SPATA16: variants seen among roughly 807,000 people sequenced by gnomAD.
SPATA16 encodes the protein spermatogenesis-associated protein 16.
In SPATA16, 36 loss-of-function variants were observed where a neutral mutation model predicts 63.3. The ratio of observed to expected loss-of-function variants is 0.57; its 90% CI spans 0.44 to 0.75. The LOEUF is 0.75. Ranked by LOEUF, SPATA16 falls within the 30% of genes least tolerant of loss-of-function variation. The probability of loss-of-function intolerance (pLI) is 0.00; values close to 1 mark genes in which losing one functional copy is unlikely to be tolerated. For synonymous variants in SPATA16, 203 were observed against 216.7 expected (o/e 0.94, Z 0.56); for missense variants, 646 against 679.3 (o/e 0.95, Z 0.54).
chr3:173,084,287 C>T (rs958580253), intron 2 of SPATA16, among the ~76,000 whole-genome samples: 9 of 152,106 alleles, frequency 5.9e-5, no homozygotes, highest in African/African-American at 4.8e-5. Context: ...AGCTTTTTAT[C>T]GTTTGTTTGT....
intron 2 of SPATA16, among the ~76,000 whole-genome samples, chr3:173,116,625 A>C (rs1394068130): frequency 6.6e-6 from 1 of 152,210 alleles, no homozygotes; most frequent in East Asian, 1.9e-4. Context: ...AAATGGTGTT[A>C]TTTTGTTTGT....
Position 173,035,008 on chromosome 3 carries a change from A to G in SPATA16, c.758+13941T>C, listed in dbSNP as rs78467015. On this transcript the variant is annotated intron_variant, in intron 3 of 10. Transcript: ENST00000351008. ...TCTCAACCTGTTGTGACTTGCACCA[A>G]ATAGAGTGTCACAGCACATTACTTT... Among the ~76,000 whole-genome samples the G allele has an allele frequency of 4.0e-3, 608 of 152,240 alleles. 4 individuals carry two copies. The highest frequency in any genetic ancestry group is 0.014 in the African/African-American group (583 of 41,564).
intron 1 of SPATA16, among the ~76,000 whole-genome samples, chr3:173,119,072 G>A (rs1017375718): frequency 6.6e-6 from 1 of 152,042 alleles, no homozygotes; most frequent in Non-Finnish European, 1.5e-5. Flanking sequence ...ACCAAACACT[G>A]CATATTCTCA....
intron 5 of SPATA16, among the ~76,000 whole-genome samples, chr3:172,957,221 A>G (rs1015051727): frequency 1.3e-5 from 2 of 152,186 alleles, no homozygotes; most frequent in Admixed American, 1.3e-4. Context: ...TAAAAACTAA[A>G]ATATCTAAAG....
In SPATA16 at chr3:172,961,048, CT is replaced by C. The variant is rs796342325; in HGVS notation, c.934-4225del. Among the ~76,000 whole-genome samples the C allele has an allele frequency of 1.1e-4, 7 of 66,022 alleles. 1 individual carries two copies. Among genetic ancestry groups the C allele is most frequent in the Admixed American group, 5.7e-4 (3 of 5,280 alleles). The allele number at this position is 66,022 out of a possible 152,430, so 43.3% of individuals were successfully genotyped here. Reference sequence around the variant, plus strand: ...TCTTTCTCTCTTTCTTTCTTTCTTTCTTCTTTCTTTCTTTCTTCTTTCTTCC... The same window carrying C: ...TCTTTCTCTCTTTCTTTCTTTCTTTCTCTTTCTTTCTTTCTTCTTTCTTCC... On this transcript the variant is annotated intron_variant, in intron 5 of 10. Transcript: ENST00000351008.
chr3:172,955,969 G>A (rs1343744904), intron 6 of SPATA16, among the ~76,000 whole-genome samples: 2 of 152,090 alleles, frequency 1.3e-5, no homozygotes, highest in Admixed American at 6.6e-5. Flanking sequence ...AAGGGATGAA[G>A]GGGCCTGAAT....
At chr3:173,024,642 A>G (rs1222008514) in intron 3 of SPATA16, among the ~76,000 whole-genome samples, 2 of 150,872 alleles carry the variant, frequency 1.3e-5, no homozygotes, top group Non-Finnish European at 3.0e-5. Flanking sequence ...AAAAAAATTC[A>G]TTTAAAAAAT....
At chr3:173,020,620 A>T (rs1292856542) in intron 3 of SPATA16, among the ~76,000 whole-genome samples, 1 of 152,184 alleles carries the variant, frequency 6.6e-6, no homozygotes, top group Non-Finnish European at 1.5e-5. Flanking sequence ...TCTCCTAGAG[A>T]TAAAGGGGTA....
chr3:172,960,479 G>A (rs1733723496), intron 5 of SPATA16, among the ~76,000 whole-genome samples: 1 of 152,176 alleles, frequency 6.6e-6, no homozygotes, highest in African/African-American at 2.4e-5. Flanking sequence ...AAGTTGTAAA[G>A]CTCATAATTT....
rs773123587 is a variant in SPATA16, at chr3:172,889,535, G to C, written c.*35C>G. 1 of 1,612,764 alleles carries C rather than the reference G, an allele frequency of 6.2e-7. No individual in the cohort carries two copies. The highest frequency in any genetic ancestry group is 1.3e-5 in the African/African-American group (1 of 74,998). ...AGTGGATGCCCTTGCCTCTTCTTCT[G>C]GGATATCTTAGTGGTAGTGCCTGCT... On this transcript the variant is annotated 3_prime_UTR_variant, in exon 11 of 11. Transcript: ENST00000351008.
At chr3:173,126,873 A>G (rs1422899449) in intron 1 of SPATA16, among the ~76,000 whole-genome samples, 1 of 152,188 alleles carries the variant, frequency 6.6e-6, no homozygotes, top group Non-Finnish European at 1.5e-5. Context: ...CAATTTCCAA[A>G]TGAAGAAACA....
Position 172,938,854 on chromosome 3 carries a change from C to T in SPATA16, c.1082-13362G>A, listed in dbSNP as rs140594865. Among the ~76,000 whole-genome samples the T allele has an allele frequency of 7.7e-3, 839 of 108,902 alleles. 3 individuals are homozygous for T. Among genetic ancestry groups the T allele is most frequent in the South Asian group, 0.029 (81 of 2,764 alleles). The allele number at this position is 108,902 out of a possible 152,430, so 71.4% of individuals were successfully genotyped here. ...CCCCACCCCCCCGCAACAAATGGAT[C>T]CCCTGGCATATAAACCTCAGATAAA... On this transcript the variant is annotated intron_variant, in intron 6 of 10. Coordinates refer to ENST00000351008, the MANE Select transcript of SPATA16 (RefSeq NM_031955.6).
intron 2 of SPATA16, among the ~76,000 whole-genome samples, chr3:173,097,324 C>T (rs1577172861): frequency 6.6e-6 from 1 of 151,862 alleles, no homozygotes; most frequent in Non-Finnish European, 1.5e-5. Context: ...TCAGGTATGC[C>T]AAAGAGAAGC....
intron 6 of SPATA16, among the ~76,000 whole-genome samples, chr3:172,945,065 G>A (rs1733247694): frequency 6.6e-6 from 1 of 152,134 alleles, no homozygotes; most frequent in Non-Finnish European, 1.5e-5. Context: ...GGAGGGAGTA[G>A]ATTAGGATCC....
chr3:173,008,075 A>G (rs73880407), intron 4 of SPATA16, among the ~76,000 whole-genome samples: 5,490 of 152,214 alleles, frequency 0.036, 315 homozygotes, highest in African/African-American at 0.13. Flanking sequence ...CAAATTTTCG[A>G]AAACGAAAGA....
chr3:173,030,189 T>G (rs1735571419), intron 3 of SPATA16, among the ~76,000 whole-genome samples: 1 of 151,628 alleles, frequency 6.6e-6, no homozygotes. Flanking sequence ...TAAATGAAAG[T>G]AAAAATAACT....
intron 6 of SPATA16, among the ~76,000 whole-genome samples, chr3:172,948,352 T>C (rs1733343219): frequency 6.6e-6 from 1 of 152,222 alleles, no homozygotes; most frequent in Non-Finnish European, 1.5e-5. Flanking sequence ...AAGGAAAAAG[T>C]ATTTTACCCT....
chr3:172,965,664 GCT>G (rs1733901622), intron 5 of SPATA16, among the ~76,000 whole-genome samples: 1 of 151,186 alleles, frequency 6.6e-6, no homozygotes, highest in African/African-American at 2.4e-5. Context: ...ATGGAGTCTC[GCT>G]CTGTCACCAG....
chr3:172,914,017 A>G (rs1732427622), intron 9 of SPATA16, among the ~76,000 whole-genome samples: 1 of 152,234 alleles, frequency 6.6e-6, no homozygotes. Context: ...TGTGAAAAAC[A>G]GATTGGGGTT....
Sources: gnomAD v4.1 joint callset for allele counts (sites outside exome capture counted in the v4.1 genomes callset) on GRCh38, gnomAD v4.1.1 for gene constraint, MANE v1.5 for transcripts, NCBI Gene and HGNC (gene_info 2026-07-23, HGNC 2026-07-21) for gene names.